Variants in CCDC81 observed in about 807,000 individuals in gnomAD.
CCDC81 encodes the protein coiled-coil domain-containing protein 81.
A neutral mutation model predicts 83.7 loss-of-function variants in CCDC81; 79 were observed. The observed-to-expected ratio is 0.94, with a 90% CI of 0.79 to 1.14. CCDC81 has a LOEUF of 1.14. Among genes scored for constraint, CCDC81 ranks in the 50% most tolerant of loss-of-function variants. The pLI is 0.00. For synonymous variants in CCDC81, 252 were observed against 278.1 expected (o/e 0.91, Z 0.93); for missense variants, 791 against 778.1 (o/e 1.02, Z -0.20).
rs981134577 is a variant in CCDC81, at chr11:86,419,833, A to AG, written c.1692-93dup. 3.0e-6 allele frequency: 4 copies of AG among 1,318,380 alleles called. No homozygotes were observed. The African/African-American group carries it at 6.2e-5, about 21-fold the overall frequency. The allele number at this position is 1,318,380 out of a possible 1,614,324, so 81.7% of individuals were successfully genotyped here. ...TTTCAGAGTAGTGAACAAAACCAGAAGGTTTTTTTTGTTTAACATAAAAGG... is the reference window on the plus strand; with the variant it reads ...TTTCAGAGTAGTGAACAAAACCAGAAGGGTTTTTTTTGTTTAACATAAAAGG... On this transcript the variant is annotated intron_variant, in intron 13 of 14. Coordinates refer to ENST00000445632, the MANE Select transcript of CCDC81 (RefSeq NM_001156474.2).
intron 7 of CCDC81, 62 bp from the exon 8 acceptor site, chr11:86,407,552 T>G: frequency 8.9e-7 from 1 of 1,120,992 alleles, no homozygotes. Flanking sequence ...GCCTCTAAAA[T>G]TATTATTGCC....
rs541041250 is a variant in CCDC81 at position 86,379,543 on chromosome 11, C to T, written c.79+4301C>T. 7.9e-5 allele frequency among the ~76,000 whole-genome samples: 12 copies of T among 152,284 alleles called. No individual in the cohort carries two copies. The South Asian group carries it at 1.9e-3, about 24-fold the overall frequency. On this transcript the variant is annotated intron_variant, in intron 1 of 14. Transcript: ENST00000445632. ...TAACAAAATCTTAATTCCTTCCTCC[C>T]ATCCCTTGTATCATTGCTGTCATTC... is the stretch of plus-strand genomic sequence containing the variant.
At chr11:86,416,396 G>A (rs886224346) in intron 13 of CCDC81, among the ~76,000 whole-genome samples, 1 of 152,162 alleles carries the variant, frequency 6.6e-6, no homozygotes, top group Non-Finnish European at 1.5e-5. Flanking sequence ...AGCCAGATAT[G>A]GGACCCTCTG....
chr11:86,380,063 C>A, intron 1 of CCDC81, among the ~76,000 whole-genome samples: 1 of 146,748 alleles, frequency 6.8e-6, no homozygotes, highest in Non-Finnish European at 1.5e-5. Flanking sequence ...TTTTTAAATG[C>A]AGATCCAAGT....
chr11:86,411,757 CCA>C (rs1315984750), intron 10 of CCDC81, among the ~76,000 whole-genome samples: 11 of 152,292 alleles, frequency 7.2e-5, no homozygotes, highest in Admixed American at 7.2e-4. Context: ...CCCAATAGTC[CCA>C]CAGACAGGTT....
In CCDC81 at chr11:86,415,235, A is replaced by G. The variant is rs781584678; in HGVS notation, c.1613A>G (p.Asn538Ser). 25 of 1,614,082 alleles carry G rather than the reference A, an allele frequency of 1.5e-5. No individual in the cohort carries two copies. The Admixed American group carries it at 3.8e-4, about 25-fold the overall frequency. Residue 538 changes from asparagine (N) to serine (S), a missense_variant, in exon 13 of 15, where the codon AAC becomes AGC. Transcript: ENST00000445632. ...AAACACCAGCTGGAGGCAGCTGCTA[A>G]CCACAAGAGGAAAGCCATCCTGCAT... ...YMKHQLEAAA[N>S]HKRKAILHQL...
Position 86,385,320 on chromosome 11 carries a change from G to A in CCDC81, c.80-731G>A, listed in dbSNP as rs547574479. Among the ~76,000 whole-genome samples, 7 of 152,232 alleles carry A rather than the reference G, an allele frequency of 4.6e-5. No homozygotes were observed. The East Asian group carries it at 1.4e-3, about 29-fold the overall frequency. On this transcript the variant is annotated intron_variant, in intron 1 of 14. Coordinates refer to ENST00000445632, the MANE Select transcript of CCDC81 (RefSeq NM_001156474.2). Reference sequence around the variant, plus strand: ...GACTCGTTTGAACCCGGGAGGCGGAGGTTGCAGTGAGCCGAGATCACGCCA... The same window carrying A: ...GACTCGTTTGAACCCGGGAGGCGGAAGTTGCAGTGAGCCGAGATCACGCCA...
intron 4 of CCDC81, among the ~76,000 whole-genome samples, chr11:86,393,539 G>A (rs1238550629): frequency 1.3e-5 from 2 of 151,984 alleles, no homozygotes; most frequent in African/African-American, 4.8e-5. Flanking sequence ...CTAACCACTT[G>A]GTTTTTGCTG....
intron 13 of CCDC81, among the ~76,000 whole-genome samples, chr11:86,416,741 T>C (rs1243905289): frequency 6.6e-6 from 1 of 152,218 alleles, no homozygotes; most frequent in Non-Finnish European, 1.5e-5. Context: ...TTCTCTCACT[T>C]CCCTTATCTT....
intron 8 of CCDC81, 124 bp downstream of exon 8, chr11:86,407,825 G>C: frequency 2.7e-6 from 2 of 730,304 alleles, no homozygotes; most frequent in Non-Finnish European, 4.6e-6. Flanking sequence ...CAAGTACTCA[G>C]GCTCAAAACT....
chr11:86,388,024 G>A (rs1948269371), intron 3 of CCDC81, among the ~76,000 whole-genome samples: 1 of 152,170 alleles, frequency 6.6e-6, no homozygotes, highest in Non-Finnish European at 1.5e-5. Flanking sequence ...CTGGTTGGGA[G>A]AACTACAGTC....
Position 86,412,434 on chromosome 11 carries a change from T to C in CCDC81, c.1266T>C (p.Ala422=), listed in dbSNP as rs1948656756. 6.2e-7 allele frequency: 1 copy of C among 1,613,218 alleles called. No individual in the cohort carries two copies. The highest frequency in any genetic ancestry group is 8.5e-7 in the Non-Finnish European group (1 of 1,179,534). ...DKRPLSPALN[A]LKQEEYSRSL... ...GGCCACTCAGTCCTGCGCTTAATGC[T>C]CTTAAGCAAGAGGAATATTCCCGGA... Residue 422 remains alanine (A), a synonymous_variant, in exon 11 of 15, where the codon GCT becomes GCC. Coordinates refer to ENST00000445632, the MANE Select transcript of CCDC81 (RefSeq NM_001156474.2).
chr11:86,383,503 T>C (rs1648944886), intron 1 of CCDC81, among the ~76,000 whole-genome samples: 1 of 152,216 alleles, frequency 6.6e-6, no homozygotes. Flanking sequence ...CATATGGTTT[T>C]GAGCGCATGG....
chr11:86,394,784 A>T (rs1422251094), intron 4 of CCDC81, among the ~76,000 whole-genome samples: 1 of 152,216 alleles, frequency 6.6e-6, no homozygotes, highest in Non-Finnish European at 1.5e-5. Flanking sequence ...TTACATGAGA[A>T]TTAAAATAGT....
chr11:86,397,230 C>G (rs1948421524), intron 5 of CCDC81, among the ~76,000 whole-genome samples: 1 of 152,188 alleles, frequency 6.6e-6, no homozygotes, highest in Admixed American at 6.5e-5. Context: ...TTGGGGCATA[C>G]TCTACCAGGC....
At chr11:86,377,759 GT>G (rs1948117151) in intron 1 of CCDC81, among the ~76,000 whole-genome samples, 1 of 152,066 alleles carries the variant, frequency 6.6e-6, no homozygotes, top group South Asian at 2.1e-4. Context: ...CAGAGCAGAA[GT>G]TTTAAATTTT....
chr11:86,386,984 TGAATGATATCTCCAGG>T (rs1420895791), intron 2 of CCDC81, among the ~76,000 whole-genome samples: 1 of 152,202 alleles, frequency 6.6e-6, no homozygotes, highest in East Asian at 1.9e-4. Context: ...TAGTTCTTGA[TGAATGATATCTCCAGG>T]GAGACAGAAA....
rs764144771 is a variant in CCDC81 at position 86,375,183 on chromosome 11, G to C, written c.20G>C (p.Arg7Pro). ...TTGGAGATGTTGGATACGATCGCCCGTGCCCTGCAGGACCTGGGCAGGCAG... is the reference window on the plus strand; with the variant it reads ...TTGGAGATGTTGGATACGATCGCCCCTGCCCTGCAGGACCTGGGCAGGCAG... MLDTIA[R>P]ALQDLGRQVL... The change falls in exon 1 of 15, where the codon CGT becomes CCT. Residue 7 changes from arginine (R) to proline (P), a missense_variant. Arg to Pro is a moderately radical substitution (Grantham distance 103). Coordinates refer to ENST00000445632, the MANE Select transcript of CCDC81 (RefSeq NM_001156474.2). The C allele has an allele frequency of 5.0e-6, 8 of 1,613,414 alleles. No homozygotes were observed. Among genetic ancestry groups the C allele is most frequent in the Middle Eastern group, 1.6e-4 (1 of 6,062 alleles).
chr11:86,386,132 T>C lies in CCDC81; in HGVS notation c.141+20T>C. 1 of 914,540 alleles carries C rather than the reference T, an allele frequency of 1.1e-6. No homozygotes were observed. Among genetic ancestry groups the C allele is most frequent in the South Asian group, 3.2e-5 (1 of 31,200 alleles). The allele number at this position is 914,540 out of a possible 1,614,324, so 56.7% of individuals were successfully genotyped here. A position where few individuals can be genotyped will look rare whatever the true frequency, so the allele number is the denominator to read the frequency against. ...CACAAGGTAAGATTTATTAATTTAT[T>C]AATTTATTAATAAATTAATTTATTA... On this transcript the variant is annotated intron_variant, in intron 2 of 14. Transcript: ENST00000445632.
Sources: allele counts gnomAD v4.1 joint callset (sites outside exome capture counted in the v4.1 genomes callset), GRCh38; gene constraint gnomAD v4.1.1; transcripts MANE v1.5; gene names NCBI Gene and HGNC (gene_info 2026-07-23, HGNC 2026-07-21).